The following USP24 variants were observed in gnomAD, a reference collection of about 807,000 sequenced individuals.
USP24 encodes the protein ubiquitin carboxyl-terminal hydrolase 24.
In USP24, 97 loss-of-function variants were observed where a neutral mutation model predicts 361.6. That is an observed-to-expected ratio of 0.27 (90% confidence interval 0.23 to 0.32). The LOEUF is 0.32. Among genes scored for constraint, USP24 ranks in the 10% least tolerant of loss-of-function variants. The probability of loss-of-function intolerance (pLI) is 1.00; values close to 1 mark genes in which losing one functional copy is unlikely to be tolerated. For missense variants in USP24, 2,353 were observed against 3,165.6 expected (o/e 0.74, Z 6.16); for synonymous variants, 1,098 against 1,124.6 (o/e 0.98, Z 0.47).
chr1:55,098,006 T>C lies in USP24; in HGVS notation c.5532A>G (p.Gln1844=), dbSNP rs370890822. The change falls in exon 47 of 68, where the codon CAA becomes CAG. Residue 1844 remains glutamine, a synonymous_variant. Transcript: ENST00000294383. ...SCQSLEISLD[Q]FVRGEVLEGS... ...CTTCTAGAACTTCTCCTCTAACAAA[T>C]TGGTCCAAAGAAATTTCCAAACTCT... is the stretch of plus-strand genomic sequence containing the variant. The C allele has an allele frequency of 2.5e-4, 410 of 1,613,604 alleles. 1 individual carries two copies. The African/African-American group carries it at 2.5e-3, about 10-fold the overall frequency.
In USP24 at chr1:55,096,481, C is replaced by T. The variant is rs771245344; in HGVS notation, c.6061+17G>A. 1.3e-6 allele frequency: 2 copies of T among 1,516,716 alleles called. No individual in the cohort carries two copies. Among genetic ancestry groups the T allele is most frequent in the East Asian group, 2.4e-5 (1 of 42,108 alleles). 94.0% of individuals were successfully genotyped at this position (1,516,716 alleles called of 1,614,324 possible). ...AATAAAAAAACTAATGGAAAATATC[C>T]ATTTGTAAATACTTACTTTGATCAT... On this transcript the variant is annotated intron_variant, in intron 50 of 67. Transcript: ENST00000294383.
At chr1:55,184,969 T>A (rs11577522) in intron 1 of USP24, among the ~76,000 whole-genome samples, 15,903 of 152,058 alleles carry the variant, frequency 0.1, 1,045 homozygotes, top group Non-Finnish European at 0.15. Context: ...ATTTTTATTT[T>A]TTTTTTGACA....
intron 16 of USP24, among the ~76,000 whole-genome samples, chr1:55,149,763 G>A (rs1647141360): frequency 6.6e-6 from 1 of 152,180 alleles, no homozygotes; most frequent in African/African-American, 2.4e-5. Context: ...AAAGGTATTT[G>A]TTCTTCTACC....
intron 1 of USP24, among the ~76,000 whole-genome samples, chr1:55,196,925 C>T (rs183213761): frequency 1.3e-5 from 2 of 152,298 alleles, no homozygotes; most frequent in African/African-American, 4.8e-5. Context: ...GGTGTTCCTT[C>T]CACTTAAAGC....
At chr1:55,143,187 ATTATT>A in intron 21 of USP24, 68 bp from the exon 22 acceptor site, 1 of 1,244,642 alleles carries the variant, frequency 8.0e-7, no homozygotes. Flanking sequence ...ATCACAGATA[ATTATT>A]TTGTTACATC....
chr1:55,071,701 T>C (rs1035581023), intron 67 of USP24, 113 bp downstream of exon 67: 2 of 1,189,528 alleles, frequency 1.7e-6, no homozygotes, highest in Admixed American at 2.0e-5. Context: ...GGTAACTCTT[T>C]GGACTCACAT....
intron 39 of USP24, among the ~76,000 whole-genome samples, chr1:55,108,148 A>G (rs1005167252): frequency 2.6e-5 from 4 of 152,168 alleles, no homozygotes; most frequent in Admixed American, 1.3e-4. Flanking sequence ...TGTTACCTGA[A>G]CCAAGGGAGG....
Position 55,072,307 on chromosome 1 carries a change from C to A in USP24, c.7689+10G>T, listed in dbSNP as rs997917342. The A allele has an allele frequency of 1.2e-6, 2 of 1,611,912 alleles. No individual in the cohort carries two copies. The highest frequency in any genetic ancestry group is 2.2e-5 in the East Asian group (1 of 44,846). Reference sequence around the variant, plus strand: ...ATTTAGACCACGCAAAAACAAGAGACAACTCTCACCTGAGCTGAAATGGTT... The same window carrying A: ...ATTTAGACCACGCAAAAACAAGAGAAAACTCTCACCTGAGCTGAAATGGTT... On this transcript the variant is annotated intron_variant, in intron 66 of 67. Coordinates refer to ENST00000294383, the MANE Select transcript of USP24 (RefSeq NM_015306.3).
chr1:55,103,904 G>T lies in USP24; in HGVS notation c.4997C>A (p.Pro1666His). 3 of 1,613,088 alleles carry T rather than the reference G, an allele frequency of 1.9e-6. No homozygotes were observed. Among genetic ancestry groups the T allele is most frequent in the Non-Finnish European group, 2.5e-6 (3 of 1,179,472 alleles). The stretch of plus-strand genomic sequence containing the variant: ...AAACTCCTTGGTAAGAGCAGGGTCA[G>T]GCTGGTGATGCATAGAAAGCAGTTC... ...IKELLSMHHQ[P>H]DPALTKEFDY... Residue 1666 changes from proline (P) to histidine (H), a missense_variant, in exon 42 of 68, where the codon CCT (proline) becomes CAT (histidine). Physicochemically the swap from Pro to His is moderately conservative, Grantham distance 77. Transcript: ENST00000294383.
At chr1:55,192,596 C>T (rs1279679050) in intron 1 of USP24, among the ~76,000 whole-genome samples, 1 of 152,194 alleles carries the variant, frequency 6.6e-6, no homozygotes. Flanking sequence ...AACATGCAAA[C>T]ATGGGCATTC....
At chr1:55,121,195 A>C (rs920273823) in intron 37 of USP24, among the ~76,000 whole-genome samples, 2 of 152,178 alleles carry the variant, frequency 1.3e-5, no homozygotes, top group Non-Finnish European at 2.9e-5. Flanking sequence ...ACGTTGTTAT[A>C]AACAAAAATA....
At chr1:55,207,241 T>C (rs964185655) in intron 1 of USP24, among the ~76,000 whole-genome samples, 2 of 145,502 alleles carry the variant, frequency 1.4e-5, no homozygotes, top group Admixed American at 1.4e-4. Flanking sequence ...AAGCAATTAA[T>C]GTTCAACCAA....
intron 15 of USP24, 84 bp from the exon 16 acceptor site, chr1:55,154,001 G>A: frequency 1.3e-6 from 2 of 1,551,178 alleles, no homozygotes. Flanking sequence ...TAAGGTAAGA[G>A]CTTCCAGATA....
At chr1:55,144,345 A>G (rs1646972532) in intron 20 of USP24, 142 bp from the exon 21 acceptor site, 3 of 484,652 alleles carry the variant, frequency 6.2e-6, no homozygotes, top group Non-Finnish European at 1.1e-5. Context: ...CAGAAGCAAC[A>G]AAAGAAAATA....
chr1:55,202,545 C>T (rs1644603773), intron 1 of USP24, among the ~76,000 whole-genome samples: 1 of 152,094 alleles, frequency 6.6e-6, no homozygotes, highest in African/African-American at 2.4e-5. Context: ...GCTGGGACTA[C>T]AGGCACCCAT....
At position 55,069,069 on chromosome 1, in the gene USP24, A is replaced by G; in HGVS notation, c.7839T>C (p.Ser2613=). Reference sequence around the variant, plus strand: ...TCTAGGGATCAACATCATCAAGGTCACTTCTCAACTCACCAATCATCATGG... The same window carrying G: ...TCTAGGGATCAACATCATCAAGGTCGCTTCTCAACTCACCAATCATCATGG... ...ESPMMIGELR[S]DLDDVDP Residue 2613 remains serine (S), a synonymous_variant, in exon 68 of 68, where the codon AGT becomes AGC. Coordinates refer to ENST00000294383, the MANE Select transcript of USP24 (RefSeq NM_015306.3). 1 of 1,613,970 alleles carries G rather than the reference A, an allele frequency of 6.2e-7. No individual in the cohort carries two copies. Among genetic ancestry groups the G allele is most frequent in the Non-Finnish European group, 8.5e-7 (1 of 1,179,878 alleles).
At chr1:55,198,864 T>G (rs1644487253) in intron 1 of USP24, among the ~76,000 whole-genome samples, 1 of 152,186 alleles carries the variant, frequency 6.6e-6, no homozygotes, top group Admixed American at 6.5e-5. Flanking sequence ...CCTTAATAAA[T>G]AATAAAATAT....
intron 1 of USP24, among the ~76,000 whole-genome samples, chr1:55,186,570 T>C (rs1359441199): frequency 6.6e-6 from 1 of 152,338 alleles, no homozygotes; most frequent in East Asian, 1.9e-4. Flanking sequence ...AAACATACCA[T>C]GGATTATCCA....
At chr1:55,080,998 A>G (rs1165858806) in intron 59 of USP24, among the ~76,000 whole-genome samples, 1 of 152,170 alleles carries the variant, frequency 6.6e-6, no homozygotes, top group Non-Finnish European at 1.5e-5. Flanking sequence ...TCCAGCCCAC[A>G]CCATGGCTAT....
Sources: gnomAD v4.1 joint callset for allele counts (sites outside exome capture counted in the v4.1 genomes callset) on GRCh38, gnomAD v4.1.1 for gene constraint, MANE v1.5 for transcripts, NCBI Gene and HGNC (gene_info 2026-07-23, HGNC 2026-07-21) for gene names.